MACROD2: variants seen among roughly 807,000 people sequenced by gnomAD.
MACROD2 encodes the protein mono-ADP ribosylhydrolase 2.
A neutral mutation model predicts 70.4 loss-of-function variants in MACROD2; 36 were observed. The ratio of observed to expected loss-of-function variants is 0.51; its 90% CI spans 0.39 to 0.68. The LOEUF (loss-of-function observed/expected upper bound fraction) is 0.68, where lower values mean the gene tolerates loss of function less well. MACROD2 is among the 30% of genes least tolerant of loss of function. MACROD2 has a pLI of 0.00. For synonymous variants in MACROD2, 172 were observed against 178.8 expected (o/e 0.96, Z 0.30); for missense variants, 496 against 538.4 (o/e 0.92, Z 0.78).
At chr20:15,064,056 G>A (rs1004225641) in intron 5 of MACROD2, among the ~76,000 whole-genome samples, 2 of 152,316 alleles carry the variant, frequency 1.3e-5, no homozygotes, top group Admixed American at 6.5e-5. Flanking sequence ...TAAGTTTGAA[G>A]GGCTGGTTAG....
chr20:14,592,764 A>T (rs1981863288), intron 4 of MACROD2, among the ~76,000 whole-genome samples: 1 of 152,290 alleles, frequency 6.6e-6, no homozygotes, highest in Non-Finnish European at 1.5e-5. Context: ...CATTTTCTGT[A>T]CTGTAAGCAA....
At chr20:15,766,430 T>A (rs62194691) in intron 8 of MACROD2, among the ~76,000 whole-genome samples, 25,992 of 152,116 alleles carry the variant, frequency 0.17, 2,286 homozygotes, top group Non-Finnish European at 0.2. Context: ...CACTCACAAT[T>A]GTCAAATTTT....
intron 8 of MACROD2, among the ~76,000 whole-genome samples, chr20:15,643,238 A>T (rs2049489644): frequency 6.6e-6 from 1 of 152,106 alleles, no homozygotes; most frequent in Admixed American, 6.5e-5. Context: ...CTTGTTCCCC[A>T]TGCTGTAGCC....
chr20:14,985,648 T>C (rs538462741), intron 5 of MACROD2, among the ~76,000 whole-genome samples: 2 of 151,358 alleles, frequency 1.3e-5, no homozygotes, highest in Admixed American at 6.6e-5. Flanking sequence ...GGTGACTTAA[T>C]GAGGGTAGTT....
intron 3 of MACROD2, among the ~76,000 whole-genome samples, chr20:14,332,916 C>T (rs920581123): frequency 3.9e-5 from 6 of 152,030 alleles, no homozygotes; most frequent in Non-Finnish European, 7.4e-5. Flanking sequence ...CAACAACAAA[C>T]GGTATTTCAA....
intron 10 of MACROD2, among the ~76,000 whole-genome samples, chr20:15,886,717 G>A (rs1166973464): frequency 6.6e-6 from 1 of 152,072 alleles, no homozygotes; most frequent in Non-Finnish European, 1.5e-5. Context: ...GCATAAATCA[G>A]TAGACCTGAA....
At chr20:15,175,282 G>T (rs1363300062) in intron 5 of MACROD2, among the ~76,000 whole-genome samples, 1 of 116,568 alleles carries the variant, frequency 8.6e-6, no homozygotes, top group Non-Finnish European at 1.7e-5. Flanking sequence ...CTGTTGTGGG[G>T]TGGGGGGAGG....
At chr20:15,017,675 G>C (rs561295120) in intron 5 of MACROD2, among the ~76,000 whole-genome samples, 1 of 152,182 alleles carries the variant, frequency 6.6e-6, no homozygotes, top group East Asian at 1.9e-4. Flanking sequence ...AGGCATTTCC[G>C]TACATCTTCT....
intron 4 of MACROD2, among the ~76,000 whole-genome samples, chr20:14,678,478 A>T (rs909786857): frequency 6.6e-6 from 1 of 152,090 alleles, no homozygotes; most frequent in Non-Finnish European, 1.5e-5. Context: ...TAATATATAT[A>T]TTTTTGGTAT....
At chr20:15,330,178 T>C (rs1158976400) in intron 6 of MACROD2, among the ~76,000 whole-genome samples, 1 of 152,132 alleles carries the variant, frequency 6.6e-6, no homozygotes, top group East Asian at 1.9e-4. Context: ...GTAAAACTTA[T>C]ATTAAATAAA....
At chr20:14,645,423 G>A (rs1296931352) in intron 4 of MACROD2, among the ~76,000 whole-genome samples, 2 of 151,912 alleles carry the variant, frequency 1.3e-5, no homozygotes, top group Admixed American at 6.6e-5. Flanking sequence ...AAAATAAAAT[G>A]TTGGGAACAC....
At chr20:15,720,135 T>G (rs1358195268) in intron 8 of MACROD2, among the ~76,000 whole-genome samples, 1 of 152,224 alleles carries the variant, frequency 6.6e-6, no homozygotes, top group Non-Finnish European at 1.5e-5. Context: ...AATTTTATTA[T>G]TTTTTATAGC....
chr20:15,545,778 C>A (rs1182457308), intron 8 of MACROD2, among the ~76,000 whole-genome samples: 2 of 152,020 alleles, frequency 1.3e-5, no homozygotes, highest in Non-Finnish European at 2.9e-5. Flanking sequence ...AAAAAATATA[C>A]CTGGAAGTAT....
intron 5 of MACROD2, among the ~76,000 whole-genome samples, chr20:14,709,003 G>A (rs75147931): frequency 0.033 from 5,015 of 152,164 alleles, 114 homozygotes; most frequent in Non-Finnish European, 0.047. Context: ...ATTGGTTAGA[G>A]TGTGGGTTGA....
chr20:15,454,406 A>AACACAAACACACACACAC (rs1271722958), intron 7 of MACROD2, among the ~76,000 whole-genome samples: 1 of 137,428 alleles, frequency 7.3e-6, no homozygotes, highest in African/African-American at 2.9e-5. Flanking sequence ...GACATATTCA[A>AACACAAACACACACACAC]ACACACACAC....
chr20:15,447,936 T>A (rs2046591199), intron 7 of MACROD2, among the ~76,000 whole-genome samples: 1 of 152,096 alleles, frequency 6.6e-6, no homozygotes, highest in South Asian at 2.1e-4. Flanking sequence ...CCCAAGTATT[T>A]ATCCTTGTGA....
At chr20:14,617,790 C>T (rs868422609) in intron 4 of MACROD2, among the ~76,000 whole-genome samples, 4 of 152,152 alleles carry the variant, frequency 2.6e-5, no homozygotes, top group African/African-American at 9.6e-5. Context: ...TGCTTGTTAC[C>T]GAAACCCTGA....
At chr20:15,835,239 GATA>G (rs1194882596) in intron 8 of MACROD2, among the ~76,000 whole-genome samples, 5 of 121,084 alleles carry the variant, frequency 4.1e-5, no homozygotes, top group African/African-American at 1.7e-4. Context: ...GAAACTGAAA[GATA>G]ATAAATAATA....
intron 3 of MACROD2, among the ~76,000 whole-genome samples, chr20:14,193,281 C>T (rs2081402870): frequency 6.6e-6 from 1 of 152,102 alleles, no homozygotes; most frequent in Admixed American, 6.5e-5. Flanking sequence ...AAGAAGTTAC[C>T]CCAAAATATG....
Sources: gnomAD v4.1 joint callset for allele counts (sites outside exome capture counted in the v4.1 genomes callset) on GRCh38, gnomAD v4.1.1 for gene constraint, MANE v1.5 for transcripts, NCBI Gene and HGNC (gene_info 2026-07-23, HGNC 2026-07-21) for gene names.